The following MACROD2 variants were observed in gnomAD, a reference collection of about 807,000 sequenced individuals.
MACROD2 encodes the protein ADP-ribose glycohydrolase MACROD2.
In MACROD2, 36 loss-of-function variants were observed where a neutral mutation model predicts 70.4. The ratio of observed to expected loss-of-function variants is 0.51; its 90% CI spans 0.39 to 0.68. The LOEUF is 0.68. MACROD2 is among the 30% of genes least tolerant of loss of function. The pLI is 0.00. For missense variants in MACROD2, 496 were observed against 538.4 expected, an observed-to-expected ratio of 0.92 and a Z score of 0.78; for synonymous variants, 172 against 178.8, an observed-to-expected ratio of 0.96 and a Z score of 0.30.
intron 13 of MACROD2, among the ~76,000 whole-genome samples, chr20:15,973,138 C>T (rs2066255773): frequency 1.3e-5 from 2 of 151,958 alleles, no homozygotes; most frequent in Admixed American, 1.3e-4. Context: ...GGATGGTTAT[C>T]ATAAAAATAT....
At chr20:15,088,400 TATATATATATATATATATATATATA>T (rs2075765655) in intron 5 of MACROD2, among the ~76,000 whole-genome samples, 4 of 7,402 alleles carry the variant, frequency 5.4e-4, no homozygotes, top group South Asian at 2.9e-3. Flanking sequence ...CTATATTTTA[TATATATATATATATATATATATATA>T]TATATATATA....
At chr20:14,893,176 A>G (rs973303818) in intron 5 of MACROD2, 15 of 152,236 alleles carry the variant, frequency 9.9e-5, no homozygotes, top group African/African-American at 3.4e-4. Flanking sequence ...TATATACCAC[A>G]TATTGTTTAT....
At chr20:15,219,992 ATT>A (rs200180828) in intron 5 of MACROD2, among the ~76,000 whole-genome samples, 7 of 137,784 alleles carry the variant, frequency 5.1e-5, no homozygotes, top group African/African-American at 1.3e-4. Flanking sequence ...ATCACTGCAC[ATT>A]TTTTTTTTTT....
intron 4 of MACROD2, among the ~76,000 whole-genome samples, chr20:14,662,024 C>T (rs1483405980): frequency 6.6e-6 from 1 of 152,030 alleles, no homozygotes; most frequent in East Asian, 1.9e-4. Flanking sequence ...TCATTAAACT[C>T]CATAGCAAAC....
chr20:14,050,145 G>C (rs368016416), intron 2 of MACROD2, among the ~76,000 whole-genome samples: 1 of 150,346 alleles, frequency 6.7e-6, no homozygotes, highest in Admixed American at 6.6e-5. Context: ...TCCCTTCCTC[G>C]CTTCCTCATT....
At chr20:15,603,812 C>T (rs1376299827) in intron 8 of MACROD2, among the ~76,000 whole-genome samples, 1 of 152,138 alleles carries the variant, frequency 6.6e-6, no homozygotes, top group Non-Finnish European at 1.5e-5. Flanking sequence ...ACCTGCAGAC[C>T]TTTTAGAGGA....
At chr20:15,889,272 AGCC>A (rs1438587311) in intron 10 of MACROD2, among the ~76,000 whole-genome samples, 2 of 152,154 alleles carry the variant, frequency 1.3e-5, no homozygotes, top group Admixed American at 1.3e-4. Context: ...GGCTCAAGTC[AGCC>A]GCAGCACAGC....
intron 4 of MACROD2, among the ~76,000 whole-genome samples, chr20:14,552,820 G>A (rs147294055): frequency 6.6e-6 from 1 of 152,090 alleles, no homozygotes; most frequent in Non-Finnish European, 1.5e-5. Context: ...AATGGTAATT[G>A]TGTATAGGGC....
chr20:14,055,679 A>G (rs2053624049), intron 2 of MACROD2, among the ~76,000 whole-genome samples: 1 of 152,080 alleles, frequency 6.6e-6, no homozygotes, highest in South Asian at 2.1e-4. Flanking sequence ...CAGGCATTCA[A>G]CATATACCAG....
intron 3 of MACROD2, among the ~76,000 whole-genome samples, chr20:14,364,341 G>A (rs939825212): frequency 5.3e-5 from 8 of 152,170 alleles, no homozygotes; most frequent in Admixed American, 2.6e-4. Flanking sequence ...TCTACAGTGA[G>A]CTGCAGTCAT....
At chr20:15,523,182 T>C (rs143873854) in intron 8 of MACROD2, among the ~76,000 whole-genome samples, 12 of 152,342 alleles carry the variant, frequency 7.9e-5, no homozygotes, top group African/African-American at 2.6e-4. Context: ...CCTGACTCCA[T>C]ATGATTTAAA....
intron 5 of MACROD2, among the ~76,000 whole-genome samples, chr20:14,826,157 T>A (rs1568818598): frequency 6.6e-6 from 1 of 151,884 alleles, no homozygotes; most frequent in East Asian, 1.9e-4. Context: ...AATATATCAC[T>A]CTGCAATAGT....
intron 7 of MACROD2, among the ~76,000 whole-genome samples, chr20:15,499,458 T>C (rs2047337969): frequency 6.6e-6 from 1 of 152,178 alleles, no homozygotes; most frequent in Admixed American, 6.5e-5. Context: ...TACAAGAAAA[T>C]AATATGAAAG....
chr20:14,204,184 C>A (rs1326178349), intron 3 of MACROD2, among the ~76,000 whole-genome samples: 2 of 152,194 alleles, frequency 1.3e-5, no homozygotes, highest in Admixed American at 1.3e-4. Context: ...GGGCAAGTAG[C>A]TCTCAGGCTC....
chr20:14,416,267 T>C (rs908368844), intron 3 of MACROD2, among the ~76,000 whole-genome samples: 1 of 152,300 alleles, frequency 6.6e-6, no homozygotes, highest in Non-Finnish European at 1.5e-5. Context: ...TCTGTTGGCC[T>C]CTATTTTTTT....
chr20:15,515,015 A>G (rs1280955471), intron 8 of MACROD2, among the ~76,000 whole-genome samples: 1 of 152,180 alleles, frequency 6.6e-6, no homozygotes, highest in Non-Finnish European at 1.5e-5. Context: ...AGCTCATACA[A>G]CTTAGAAAGA....
chr20:15,254,473 T>C (rs1305723317), intron 6 of MACROD2, among the ~76,000 whole-genome samples: 1 of 152,140 alleles, frequency 6.6e-6, no homozygotes, highest in East Asian at 1.9e-4. Context: ...CCTCATTTAC[T>C]AGCTGTGCCC....
At chr20:14,056,204 C>T (rs1353039580) in intron 2 of MACROD2, among the ~76,000 whole-genome samples, 1 of 151,962 alleles carries the variant, frequency 6.6e-6, no homozygotes, top group Non-Finnish European at 1.5e-5. Flanking sequence ...TATTAGCAAA[C>T]ACTTATGTAT....
intron 5 of MACROD2, among the ~76,000 whole-genome samples, chr20:15,138,279 T>C (rs956172551): frequency 6.6e-6 from 1 of 152,168 alleles, no homozygotes; most frequent in Non-Finnish European, 1.5e-5. Flanking sequence ...ATTTAACTTC[T>C]GTTTGCTGAG....
Sources: gnomAD v4.1 joint callset for allele counts (sites outside exome capture counted in the v4.1 genomes callset) on GRCh38, gnomAD v4.1.1 for gene constraint, MANE v1.5 for transcripts, NCBI Gene and HGNC (gene_info 2026-07-23, HGNC 2026-07-21) for gene names.